The following SNTG1 variants were observed in gnomAD, a reference collection of about 807,000 sequenced individuals.
The protein encoded by SNTG1 is gamma-1-syntrophin.
In SNTG1, 39 loss-of-function variants were observed where a neutral mutation model predicts 74.7. The observed-to-expected ratio is 0.52, with a 90% confidence interval of 0.40 to 0.68. SNTG1 has a LOEUF of 0.68. Ranked by LOEUF, SNTG1 falls within the 30% of genes least tolerant of loss-of-function variation. The pLI, the probability that SNTG1 is intolerant of heterozygous loss-of-function variation, is 0.00. For synonymous variants in SNTG1, 254 were observed against 217.1 expected (o/e 1.17, Z -1.49); for missense variants, 685 against 609.5 (o/e 1.12, Z -1.30).
chr8:50,495,863 A>G (rs1041422363), intron 8 of SNTG1, among the ~76,000 whole-genome samples: 14 of 152,116 alleles, frequency 9.2e-5, no homozygotes, highest in African/African-American at 2.4e-4. Context: ...TAGACACACA[A>G]ATGGCAGGAG....
At chr8:50,145,981 A>C (rs1420866297) in intron 1 of SNTG1, among the ~76,000 whole-genome samples, 1 of 151,882 alleles carries the variant, frequency 6.6e-6, no homozygotes, top group Non-Finnish European at 1.5e-5. Context: ...ATAAAAAAAA[A>C]AAGAATGTTA....
chr8:50,431,790 C>T (rs2093239370), intron 4 of SNTG1, among the ~76,000 whole-genome samples: 1 of 152,142 alleles, frequency 6.6e-6, no homozygotes, highest in African/African-American at 2.4e-5. Context: ...TGATGTTGAA[C>T]ATGTCTTCAT....
At chr8:50,779,983 C>G (rs926275806) in intron 18 of SNTG1, among the ~76,000 whole-genome samples, 30 of 152,004 alleles carry the variant, frequency 2.0e-4, no homozygotes, top group African/African-American at 7.0e-4. Flanking sequence ...GTCTTTGGTT[C>G]TGTTTATATG....
chr8:50,383,391 G>A (rs2092522095), intron 2 of SNTG1, among the ~76,000 whole-genome samples: 1 of 152,084 alleles, frequency 6.6e-6, no homozygotes, highest in African/African-American at 2.4e-5. Flanking sequence ...TAGATGATAA[G>A]GGAATAAAGA....
chr8:50,388,220 T>C (rs2131275193), intron 2 of SNTG1, among the ~76,000 whole-genome samples: 1 of 152,318 alleles, frequency 6.6e-6, no homozygotes, highest in Middle Eastern at 3.4e-3. Context: ...TTTTTCTCTC[T>C]ACTTTCTATA....
intron 1 of SNTG1, among the ~76,000 whole-genome samples, chr8:50,147,100 G>C (rs1463625067): frequency 6.6e-6 from 1 of 152,066 alleles, no homozygotes; most frequent in Non-Finnish European, 1.5e-5. Flanking sequence ...GTTTGAATGT[G>C]ACAAGGATAC....
intron 1 of SNTG1, among the ~76,000 whole-genome samples, chr8:50,157,993 C>T (rs1362848463): frequency 6.6e-6 from 1 of 152,074 alleles, no homozygotes; most frequent in Non-Finnish European, 1.5e-5. Context: ...GCATTCCTGG[C>T]TTATGTCAAC....
chr8:50,542,300 C>T lies in SNTG1; in HGVS notation c.680+5492C>T, dbSNP rs190146264. Among the ~76,000 whole-genome samples, 605 of 151,356 alleles carry T rather than the reference C, an allele frequency of 4.0e-3. 11 individuals carry two copies. The South Asian group carries it at 0.043, about 11-fold the overall frequency. ...TCTCCCGAGTAGCTGGGATTACAGG[C>T]GCACCCCACCATGCCCTGCTAATTT... On this transcript the variant is annotated intron_variant, in intron 11 of 18. Transcript: ENST00000642720.
intron 15 of SNTG1, among the ~76,000 whole-genome samples, chr8:50,663,046 C>A (rs957144153): frequency 1.3e-5 from 2 of 152,074 alleles, no homozygotes; most frequent in Non-Finnish European, 2.9e-5. Flanking sequence ...GAACTGAAAC[C>A]TAAGTGACTG....
intron 9 of SNTG1, among the ~76,000 whole-genome samples, chr8:50,509,728 G>T (rs1208899622): frequency 6.6e-6 from 1 of 152,034 alleles, no homozygotes; most frequent in Non-Finnish European, 1.5e-5. Context: ...GTCTGTTATT[G>T]GTGTGTAAGA....
chr8:50,713,713 C>T (rs1021402740), intron 17 of SNTG1, among the ~76,000 whole-genome samples: 1 of 151,938 alleles, frequency 6.6e-6, no homozygotes, highest in South Asian at 2.1e-4. Flanking sequence ...GGAAGGGGTC[C>T]AGTTTCAGTT....
chr8:50,725,999 C>T (rs1346422598), intron 17 of SNTG1, among the ~76,000 whole-genome samples: 1 of 152,172 alleles, frequency 6.6e-6, no homozygotes, highest in Non-Finnish European at 1.5e-5. Context: ...TCTGTCTTCC[C>T]TCTCAGGTTA....
chr8:50,126,354 CA>C (rs1184014868), intron 1 of SNTG1, among the ~76,000 whole-genome samples: 4 of 151,942 alleles, frequency 2.6e-5, no homozygotes, highest in African/African-American at 9.7e-5. Flanking sequence ...ATAACTGATA[CA>C]GGAGAAGAAA....
At chr8:50,259,904 C>A (rs1223506512) in intron 2 of SNTG1, among the ~76,000 whole-genome samples, 1 of 151,948 alleles carries the variant, frequency 6.6e-6, no homozygotes, top group African/African-American at 2.4e-5. Context: ...GTTGGGAAAC[C>A]GAAGCTGTAA....
At chr8:50,285,769 T>C (rs2088739453) in intron 2 of SNTG1, among the ~76,000 whole-genome samples, 1 of 151,556 alleles carries the variant, frequency 6.6e-6, no homozygotes, top group South Asian at 2.1e-4. Flanking sequence ...AGGGCGTCAT[T>C]CTTTTTTAAA....
chr8:50,359,724 C>T (rs1164243398), intron 2 of SNTG1, among the ~76,000 whole-genome samples: 1 of 152,140 alleles, frequency 6.6e-6, no homozygotes, highest in African/African-American at 2.4e-5. Context: ...CTTTAAAAAT[C>T]ATCTTTCAGC....
chr8:50,695,219 A>G (rs1303620626), intron 15 of SNTG1, among the ~76,000 whole-genome samples: 1 of 151,924 alleles, frequency 6.6e-6, no homozygotes, highest in Non-Finnish European at 1.5e-5. Context: ...ACACACACAA[A>G]AAAAACCGTT....
At chr8:50,483,646 C>A (rs2093758894) in intron 8 of SNTG1, among the ~76,000 whole-genome samples, 1 of 152,132 alleles carries the variant, frequency 6.6e-6, no homozygotes, top group South Asian at 2.1e-4. Flanking sequence ...ACGGAAATGA[C>A]AGTATATGGC....
intron 2 of SNTG1, among the ~76,000 whole-genome samples, chr8:50,336,168 A>G (rs1455212413): frequency 6.6e-6 from 1 of 152,196 alleles, no homozygotes; most frequent in African/African-American, 2.4e-5. Context: ...TGCAAAGAGG[A>G]CTGGGAAATG....
Sources: allele counts gnomAD v4.1 joint callset (sites outside exome capture counted in the v4.1 genomes callset), GRCh38; gene constraint gnomAD v4.1.1; transcripts MANE v1.5; gene names NCBI Gene and HGNC (gene_info 2026-07-23, HGNC 2026-07-21).